The following WNK1 variants were observed in gnomAD, a reference collection of about 807,000 sequenced individuals.
The protein encoded by WNK1 is WNK lysine deficient protein kinase 1, also known as serine/threonine-protein kinase WNK1.
Under a neutral mutation model 222.8 loss-of-function variants are expected in WNK1, and 38 were observed. The observed-to-expected ratio is 0.17, with a 90% CI of 0.13 to 0.22. WNK1 has a LOEUF of 0.22. WNK1 is among the 10% of genes least tolerant of loss of function. WNK1 has a pLI of 1.00. For synonymous variants in WNK1, 1,090 were observed against 1,092.9 expected (o/e 1.00, Z 0.05); for missense variants, 2,348 against 2,918.4 (o/e 0.80, Z 4.50).
At chr12:779,702 C>A (rs1443730738) in intron 1 of WNK1, among the ~76,000 whole-genome samples, 4 of 152,128 alleles carry the variant, frequency 2.6e-5, no homozygotes, top group Non-Finnish European at 5.9e-5. Flanking sequence ...GCGCCTGGCT[C>A]CTTTCCCTTA....
chr12:804,497 C>T (rs1339558882), intron 1 of WNK1, among the ~76,000 whole-genome samples: 1 of 151,818 alleles, frequency 6.6e-6, no homozygotes, highest in Non-Finnish European at 1.5e-5. Flanking sequence ...CTCACCCTCC[C>T]GAGTAGCTGA....
At chr12:754,393 C>T in intron 1 of WNK1, 69 bp downstream of exon 1, 1 of 1,593,962 alleles carries the variant, frequency 6.3e-7, no homozygotes, top group Non-Finnish European at 8.6e-7. Context: ...GCCAGTTGAT[C>T]GAGTTCACCC....
chr12:847,046 A>G (rs1030034993), intron 4 of WNK1, among the ~76,000 whole-genome samples: 5 of 152,324 alleles, frequency 3.3e-5, no homozygotes, highest in African/African-American at 1.2e-4. Flanking sequence ...AACATTTTGC[A>G]TGATTTTCAG....
chr12:800,418 T>C (rs1236885286), intron 1 of WNK1, among the ~76,000 whole-genome samples: 2 of 152,170 alleles, frequency 1.3e-5, no homozygotes, highest in African/African-American at 4.8e-5. Context: ...TTTTGCTATA[T>C]GGGTGTTAAT....
intron 8 of WNK1, among the ~76,000 whole-genome samples, chr12:866,928 A>C (rs937248780): frequency 1.3e-5 from 2 of 152,086 alleles, no homozygotes; most frequent in Admixed American, 6.5e-5. Context: ...GTTCGAGACC[A>C]GCCTGGCCAA....
At chr12:820,103 C>G (rs1947718043) in intron 2 of WNK1, among the ~76,000 whole-genome samples, 1 of 152,188 alleles carries the variant, frequency 6.6e-6, no homozygotes, top group Admixed American at 6.5e-5. Flanking sequence ...CAAGAAAAGG[C>G]TGTTGGAATT....
rs376551765 is a variant in WNK1, at chr12:897,548, G to C, written c.6315G>C (p.Leu2105=). Residue 2105 remains leucine (L), a synonymous_variant, in exon 25 of 28, where the codon CTG becomes CTC. Transcript: ENST00000315939. ...AAATTGAATCTTTGTATACCAAACTGGGCAAGGTGCCCCCTGCTGTTATTA... is the reference window on the plus strand; with the variant it reads ...AAATTGAATCTTTGTATACCAAACTCGGCAAGGTGCCCCCTGCTGTTATTA... ...KHEIESLYTK[L]GKVPPAVIIP... 2.9e-5 allele frequency: 46 copies of C among 1,613,226 alleles called. No individual in the cohort carries two copies. The highest frequency in any genetic ancestry group is 3.6e-5 in the Non-Finnish European group (43 of 1,179,276).
chr12:907,934 G>A lies in WNK1; in HGVS notation c.6731G>A (p.Gly2244Asp). ...QPPAMTSSRK[G>D]TFTDDLHKLV... Reference sequence around the variant, plus strand: ...CCTGCCATGACGTCCAGCAGGAAGGGCACATTCACAGATGACTTGCACAAG... The same window carrying A: ...CCTGCCATGACGTCCAGCAGGAAGGACACATTCACAGATGACTTGCACAAG... The change falls in exon 27 of 28, where the codon GGC (glycine) becomes GAC (aspartate). Residue 2244 changes from glycine to aspartate, a missense_variant. Transcript: ENST00000315939. 1 of 1,614,168 alleles carries A rather than the reference G, an allele frequency of 6.2e-7. No individual in the cohort carries two copies. Among genetic ancestry groups the A allele is most frequent in the Non-Finnish European group, 8.5e-7 (1 of 1,180,040 alleles).
intron 9 of WNK1, among the ~76,000 whole-genome samples, chr12:877,041 C>T (rs1418673491): frequency 3.4e-5 from 5 of 147,962 alleles, no homozygotes; most frequent in African/African-American, 1.2e-4. Flanking sequence ...TGAAAGTCAG[C>T]CCTAAACTTC....
At chr12:844,919 G>C (rs1194073397) in intron 4 of WNK1, among the ~76,000 whole-genome samples, 1 of 133,194 alleles carries the variant, frequency 7.5e-6, no homozygotes, top group African/African-American at 2.9e-5. Flanking sequence ...TTTTTGAGAC[G>C]GAGTCTCGCT....
intron 1 of WNK1, among the ~76,000 whole-genome samples, chr12:787,947 C>T (rs563636171): frequency 5.3e-5 from 8 of 152,186 alleles, no homozygotes; most frequent in African/African-American, 1.9e-4. Flanking sequence ...TATGTAATTT[C>T]AAGGAATTAG....
At position 909,408 on chromosome 12, in the gene WNK1, G is replaced by GA. The variant is rs886048808; in HGVS notation, c.*628dup. Reference sequence around the variant, plus strand: ...CTTTGACTGCAGCATTAGCAATTAGGAAAAAAAAAAAATTAAGTTCCCTGC... The same window carrying GA: ...CTTTGACTGCAGCATTAGCAATTAGGAAAAAAAAAAAAATTAAGTTCCCTGC... On this transcript the variant is annotated 3_prime_UTR_variant, in exon 28 of 28. Coordinates refer to ENST00000315939, the MANE Select transcript of WNK1 (RefSeq NM_018979.4). 7.5e-3 allele frequency: 1,091 copies of GA among 144,538 alleles called. 10 individuals carry two copies. The highest frequency in any genetic ancestry group is 0.025 in the African/African-American group (995 of 39,664). The allele number at this position is 144,538 out of a possible 1,614,324, so 9.0% of individuals were successfully genotyped here. A position where few individuals can be genotyped will look rare whatever the true frequency, so the allele number is the denominator to read the frequency against.
chr12:808,134 G>A (rs1388315392), intron 1 of WNK1, among the ~76,000 whole-genome samples: 1 of 151,980 alleles, frequency 6.6e-6, no homozygotes, highest in Non-Finnish European at 1.5e-5. Flanking sequence ...ACCTATAGTA[G>A]TTTGAGTTTA....
At chr12:879,460 T>TTTTTCCTTTTTTTTGGC in intron 10 of WNK1, 113 bp from the exon 11 acceptor site, 1 of 717,304 alleles carries the variant, frequency 1.4e-6, no homozygotes, top group Non-Finnish European at 2.2e-6. Flanking sequence ...TTTTTTTTGT[T>TTTTTCCTTTTTTTTGGC]TGTTTTTTCC....
chr12:832,505 CTTG>C (rs1450464781), intron 4 of WNK1, among the ~76,000 whole-genome samples: 1 of 151,958 alleles, frequency 6.6e-6, no homozygotes, highest in Non-Finnish European at 1.5e-5. Flanking sequence ...CTTCAATATC[CTTG>C]TTGTATATTT....
Position 896,179 on chromosome 12 carries a change from A to G in WNK1, c.5692A>G (p.Ser1898Gly). 1 of 1,614,226 alleles carries G rather than the reference A, an allele frequency of 6.2e-7. No individual in the cohort carries two copies. The highest frequency in any genetic ancestry group is 8.5e-7 in the Non-Finnish European group (1 of 1,180,044). ...CTCAGAGTCCTCAGTGCTATCAAGT[A>G]GTAGTCCAGAGAGTACCTTGGTGAA... ...STSESSVLSS[S>G]SPESTLVKPE... Residue 1898 changes from serine (S) to glycine (G), a missense_variant, in exon 24 of 28, where the codon AGT (serine) becomes GGT (glycine). Ser to Gly is a moderately conservative substitution (Grantham distance 56). Coordinates refer to ENST00000315939, the MANE Select transcript of WNK1 (RefSeq NM_018979.4).
chr12:764,634 CAAAAAAAA>C (rs529312629), intron 1 of WNK1, among the ~76,000 whole-genome samples: 5 of 50,158 alleles, frequency 1.0e-4, no homozygotes, highest in Admixed American at 2.5e-4. Flanking sequence ...AACTCCGTCT[CAAAAAAAA>C]AAAAAAAAAA....
chr12:820,113 T>C (rs950527173), intron 2 of WNK1, among the ~76,000 whole-genome samples: 8 of 152,356 alleles, frequency 5.3e-5, no homozygotes, highest in African/African-American at 1.9e-4. Context: ...CTGTTGGAAT[T>C]TTGACAGAAA....
intron 4 of WNK1, among the ~76,000 whole-genome samples, chr12:831,742 C>T (rs1433351618): frequency 6.6e-6 from 1 of 151,378 alleles, no homozygotes; most frequent in Admixed American, 6.6e-5. Context: ...TTACCATCTG[C>T]CACGGTAAAT....
Sources: gnomAD v4.1 joint callset for allele counts (sites outside exome capture counted in the v4.1 genomes callset) on GRCh38, gnomAD v4.1.1 for gene constraint, MANE v1.5 for transcripts, NCBI Gene and HGNC (gene_info 2026-07-23, HGNC 2026-07-21) for gene names.